Variants in ROBO2 observed in about 807,000 individuals in gnomAD.
ROBO2 encodes the protein roundabout homolog 2.
In ROBO2, 53 loss-of-function variants were observed where a neutral mutation model predicts 160.8. The observed-to-expected ratio is 0.33, with a 90% confidence interval of 0.26 to 0.41. ROBO2 has a LOEUF of 0.41. ROBO2 is among the 10% of genes least tolerant of loss of function. The pLI, the probability that ROBO2 is intolerant of heterozygous loss-of-function variation, is 1.00. For synonymous variants in ROBO2, 664 were observed against 611.7 expected, an observed-to-expected ratio of 1.09 and a Z score of -1.26; for missense variants, 1,577 against 1,722.4, an observed-to-expected ratio of 0.92 and a Z score of 1.49.
At chr3:77,103,245 A>C (rs1483163987) in intron 2 of ROBO2, among the ~76,000 whole-genome samples, 1 of 152,172 alleles carries the variant, frequency 6.6e-6, no homozygotes, top group African/African-American at 2.4e-5. Context: ...GTTCTGGCCT[A>C]AATGAAAATT....
rs150018160 is a variant in ROBO2, at chr3:76,460,380, T to A, written c.109+522778T>A. ...AAACCTATAAGTGTGCAGTAAATAT[T>A]CTTTGTAAATGGAGGCTGGGCATGG... is the stretch of plus-strand genomic sequence containing the variant. On this transcript the variant is annotated intron_variant, in intron 2 of 26. Coordinates refer to the ROBO2 transcript ENST00000487694. 3.3e-3 allele frequency among the ~76,000 whole-genome samples: 507 copies of A among 152,244 alleles called. 3 individuals are homozygous for A. The highest frequency in any genetic ancestry group is 0.01 in the African/African-American group (428 of 41,556).
At chr3:77,537,472 T>TA (rs1454498324) in intron 6 of ROBO2, among the ~76,000 whole-genome samples, 1 of 152,184 alleles carries the variant, frequency 6.6e-6, no homozygotes, top group Non-Finnish European at 1.5e-5. Context: ...ATATGAAGTC[T>TA]AAATAGATGA....
intron 2 of ROBO2, among the ~76,000 whole-genome samples, chr3:76,545,735 T>C (rs996429086): frequency 5.3e-5 from 8 of 151,968 alleles, no homozygotes; most frequent in African/African-American, 1.9e-4. Context: ...TTTTGTATTT[T>C]CTTAATTTAT....
chr3:77,506,189 A>G (rs11929699), intron 5 of ROBO2, among the ~76,000 whole-genome samples: 3,848 of 152,192 alleles, frequency 0.025, 167 homozygotes, highest in African/African-American at 0.086. Context: ...ATGGCTGGTG[A>G]CATTTTGTTT....
chr3:77,278,797 A>G (rs1317133590), intron 2 of ROBO2, among the ~76,000 whole-genome samples: 1 of 152,156 alleles, frequency 6.6e-6, no homozygotes, highest in Admixed American at 6.5e-5. Context: ...TTGTGGAGAT[A>G]GTAGCAATAA....
At position 76,757,616 on chromosome 3, in the gene ROBO2, T is replaced by A. The variant is rs1048864611; in HGVS notation, c.110-340398T>A. ...GATGAAGAGTGGTTTATTTTTTTTTTAAGTCTATGTTGTTTCAAGCCAGCT... is the reference window on the plus strand; with the variant it reads ...GATGAAGAGTGGTTTATTTTTTTTTAAAGTCTATGTTGTTTCAAGCCAGCT... On this transcript the variant is annotated intron_variant, in intron 2 of 26. Coordinates refer to the ROBO2 transcript ENST00000487694. 3.3e-5 allele frequency among the ~76,000 whole-genome samples: 5 copies of A among 151,954 alleles called. No individual in the cohort carries two copies. In the East Asian group the frequency reaches 9.8e-4, roughly 30 times the overall value.
At chr3:76,665,442 C>T (rs1575810075) in intron 2 of ROBO2, among the ~76,000 whole-genome samples, 1 of 151,952 alleles carries the variant, frequency 6.6e-6, no homozygotes, top group East Asian at 1.9e-4. Flanking sequence ...CCCACAGCTT[C>T]TGATATCTGT....
chr3:76,786,784 A>G (rs1211940378), intron 2 of ROBO2, among the ~76,000 whole-genome samples: 1 of 151,366 alleles, frequency 6.6e-6, no homozygotes, highest in African/African-American at 2.4e-5. Flanking sequence ...CAACTCTTCA[A>G]TTATGTAGCT....
chr3:76,316,784 G>C (rs572726498), intron 2 of ROBO2, among the ~76,000 whole-genome samples: 11 of 152,234 alleles, frequency 7.2e-5, no homozygotes, highest in African/African-American at 2.6e-4. Context: ...TATTAATTTT[G>C]GGAACTGATA....
intron 5 of ROBO2, among the ~76,000 whole-genome samples, chr3:77,508,537 C>T (rs2088910047): frequency 6.6e-6 from 1 of 150,816 alleles, no homozygotes; most frequent in Non-Finnish European, 1.5e-5. Flanking sequence ...ACTAGAATGA[C>T]TGTAGTTGAT....
chr3:76,546,268 G>A (rs1198612804), intron 2 of ROBO2, among the ~76,000 whole-genome samples: 1 of 151,712 alleles, frequency 6.6e-6, no homozygotes, highest in Admixed American at 6.6e-5. Context: ...TTCTATAAAT[G>A]GAATTTAAAG....
chr3:76,625,271 C>A (rs1553842642), intron 2 of ROBO2, among the ~76,000 whole-genome samples: 1 of 152,026 alleles, frequency 6.6e-6, no homozygotes, highest in South Asian at 2.1e-4. Flanking sequence ...TTTTCATTTT[C>A]TACTCACCAT....
At chr3:76,746,398 G>T (rs1161533489) in intron 2 of ROBO2, among the ~76,000 whole-genome samples, 2 of 152,050 alleles carry the variant, frequency 1.3e-5, no homozygotes. Flanking sequence ...AGGTCCCTGA[G>T]GAATCTCCAC....
intron 2 of ROBO2, among the ~76,000 whole-genome samples, chr3:76,187,042 A>G (rs1701797778): frequency 7.1e-6 from 1 of 140,470 alleles, no homozygotes; most frequent in Non-Finnish European, 1.5e-5. Context: ...AAATATTAGA[A>G]TTTTTTGAAA....
chr3:76,916,739 A>G (rs1215926192), intron 2 of ROBO2, among the ~76,000 whole-genome samples: 1 of 152,046 alleles, frequency 6.6e-6, no homozygotes, highest in East Asian at 1.9e-4. Flanking sequence ...ACACCATAAC[A>G]TTTCCTTCTA....
rs146157378 is a variant in ROBO2 at position 76,092,596 on chromosome 3, G to A, written c.109+154994G>A. Among the ~76,000 whole-genome samples the A allele has an allele frequency of 5.0e-3, 765 of 152,214 alleles. 6 individuals carry two copies. Among genetic ancestry groups the A allele is most frequent in the Middle Eastern group, 0.014 (4 of 294 alleles). On this transcript the variant is annotated intron_variant, in intron 2 of 26. Coordinates refer to the ROBO2 transcript ENST00000487694. Reference sequence around the variant, plus strand: ...GGTCATTGTTACTCTCTGGGTACCCGCAGTTAACAGGTGTTCTAGCAAGAC... The same window carrying A: ...GGTCATTGTTACTCTCTGGGTACCCACAGTTAACAGGTGTTCTAGCAAGAC...
chr3:76,637,935 T>A (rs1236678216), intron 2 of ROBO2, among the ~76,000 whole-genome samples: 1 of 152,228 alleles, frequency 6.6e-6, no homozygotes, highest in Non-Finnish European at 1.5e-5. Context: ...ATTATGGAGA[T>A]ATGCATATTA....
At chr3:75,997,665 G>A (rs1349125813) in intron 2 of ROBO2, among the ~76,000 whole-genome samples, 1 of 151,702 alleles carries the variant, frequency 6.6e-6, no homozygotes, top group African/African-American at 2.4e-5. Flanking sequence ...CTAATTTTTT[G>A]TGTGTTTTTA....
At chr3:77,301,120 T>C (rs2062621671) in intron 2 of ROBO2, among the ~76,000 whole-genome samples, 2 of 151,968 alleles carry the variant, frequency 1.3e-5, no homozygotes, top group African/African-American at 4.8e-5. Flanking sequence ...CCACCCACCT[T>C]GGTCTCTCGA....
Sources: gnomAD v4.1 joint callset for allele counts (sites outside exome capture counted in the v4.1 genomes callset) on GRCh38, gnomAD v4.1.1 for gene constraint, MANE v1.5 for transcripts, NCBI Gene and HGNC (gene_info 2026-07-23, HGNC 2026-07-21) for gene names.